The following RBFOX1 variants were observed in gnomAD, a reference collection of about 807,000 sequenced individuals.
RBFOX1 encodes RNA binding protein fox-1 homolog 1.
A neutral mutation model predicts 57.7 loss-of-function variants in RBFOX1; 8 were observed. That is an observed-to-expected ratio of 0.14 (90% CI 0.08 to 0.25). The LOEUF is 0.25. Ranked by LOEUF, RBFOX1 falls within the 10% of genes least tolerant of loss-of-function variation. The probability of loss-of-function intolerance (pLI) is 1.00; values close to 1 mark genes in which losing one functional copy is unlikely to be tolerated. For missense variants in RBFOX1, 611 were observed against 548.5 expected (o/e 1.11, Z -1.14); for synonymous variants, 326 against 222.4 (o/e 1.47, Z -4.15).
intron 2 of RBFOX1, among the ~76,000 whole-genome samples, chr16:6,648,556 C>T (rs532623077): frequency 1.3e-5 from 2 of 152,272 alleles, no homozygotes; most frequent in East Asian, 1.9e-4. Flanking sequence ...ACCCGCAGCC[C>T]TGTCCTCCCA....
At chr16:6,618,458 C>G (rs999194616) in intron 2 of RBFOX1, among the ~76,000 whole-genome samples, 2 of 152,170 alleles carry the variant, frequency 1.3e-5, no homozygotes, top group Admixed American at 6.5e-5. Flanking sequence ...GTCCTACATT[C>G]TGATAATAGT....
chr16:6,343,820 C>T (rs1431785698), intron 2 of RBFOX1, among the ~76,000 whole-genome samples: 1 of 152,034 alleles, frequency 6.6e-6, no homozygotes, highest in Non-Finnish European at 1.5e-5. Flanking sequence ...CATAATATTC[C>T]CTTTGGATTA....
intron 4 of RBFOX1, among the ~76,000 whole-genome samples, chr16:7,510,746 T>A (rs1386434872): frequency 6.6e-6 from 1 of 152,160 alleles, no homozygotes; most frequent in Non-Finnish European, 1.5e-5. Flanking sequence ...TAAAACAAAC[T>A]GTCAGCAAGA....
intron 4 of RBFOX1, among the ~76,000 whole-genome samples, chr16:7,063,367 A>T (rs2055081669): frequency 6.6e-6 from 1 of 152,116 alleles, no homozygotes. Flanking sequence ...ATATATCAGT[A>T]TCAGAGGAAC....
chr16:6,561,204 G>A lies in RBFOX1; in HGVS notation c.-63-93399G>A, dbSNP rs1052550137. On this transcript the variant is annotated intron_variant, in intron 2 of 15. Coordinates refer to ENST00000550418, the MANE Select transcript of RBFOX1 (RefSeq NM_018723.4). ...ATGCTTCACGCCCAAGCAAATGACT[G>A]GAAAGGTTCCCTGCTGTCTACTAGG... is the stretch of plus-strand genomic sequence containing the variant. 3.5e-4 allele frequency among the ~76,000 whole-genome samples: 54 copies of A among 152,158 alleles called. 1 individual carries two copies. Among genetic ancestry groups the A allele is most frequent in the Admixed American group, 3.1e-3 (47 of 15,282 alleles).
In RBFOX1 at chr16:6,043,241, G is replaced by A. The variant is rs188588794; in HGVS notation, c.-127+23249G>A. On this transcript the variant is annotated intron_variant, in intron 1 of 15. Coordinates refer to ENST00000550418, the MANE Select transcript of RBFOX1 (RefSeq NM_018723.4). ...TAGCAGGCTTCAGAGGGAATAGATG[G>A]TAGATGTCTTGTTTTCAGATCTTAA... 1.2e-3 allele frequency among the ~76,000 whole-genome samples: 177 copies of A among 150,454 alleles called. 1 individual carries two copies. Among genetic ancestry groups the A allele is most frequent in the Non-Finnish European group, 1.9e-3 (130 of 67,804 alleles).
At chr16:6,865,469 C>T (rs919431752) in intron 3 of RBFOX1, among the ~76,000 whole-genome samples, 1 of 152,112 alleles carries the variant, frequency 6.6e-6, no homozygotes, top group African/African-American at 2.4e-5. Flanking sequence ...GCCCCACACA[C>T]CCAGGCACCT....
At chr16:5,935,184 G>A (rs2059143287) in intron 4 of RBFOX1, among the ~76,000 whole-genome samples, 2 of 152,160 alleles carry the variant, frequency 1.3e-5, no homozygotes, top group South Asian at 4.1e-4. Context: ...CCACTACCCT[G>A]ACCAATCCCC....
At chr16:5,954,181 C>A (rs1214612897) in intron 4 of RBFOX1, among the ~76,000 whole-genome samples, 1 of 152,172 alleles carries the variant, frequency 6.6e-6, no homozygotes, top group Non-Finnish European at 1.5e-5. Flanking sequence ...TGTGGAACAT[C>A]TCAGTTTGAA....
chr16:7,684,071 G>C (rs568118652), intron 14 of RBFOX1, among the ~76,000 whole-genome samples: 3 of 152,184 alleles, frequency 2.0e-5, no homozygotes, highest in Non-Finnish European at 4.4e-5. Context: ...TTCATTTTAA[G>C]TTATCAAAGC....
intron 3 of RBFOX1, among the ~76,000 whole-genome samples, chr16:6,868,861 T>G (rs763587801): frequency 6.6e-6 from 1 of 152,182 alleles, no homozygotes; most frequent in Non-Finnish European, 1.5e-5. Context: ...TAATGAAATA[T>G]GCAGGGAGGT....
chr16:7,398,017 A>G (rs889934291), intron 4 of RBFOX1, among the ~76,000 whole-genome samples: 1 of 151,830 alleles, frequency 6.6e-6, no homozygotes, highest in African/African-American at 2.4e-5. Context: ...CCGTTAGTGG[A>G]TTAAGCGATA....
chr16:6,040,819 C>T lies in RBFOX1; in HGVS notation c.-127+20827C>T, dbSNP rs56076523. 7.4e-3 allele frequency among the ~76,000 whole-genome samples: 1,133 copies of T among 152,200 alleles called. 12 individuals are homozygous for T. Among genetic ancestry groups the T allele is most frequent in the African/African-American group, 0.025 (1,040 of 41,512 alleles). On this transcript the variant is annotated intron_variant, in intron 1 of 15. Coordinates refer to ENST00000550418, the MANE Select transcript of RBFOX1 (RefSeq NM_018723.4). ...TTATGTGGCAGTCTGGTCTCAAACT[C>T]CTGACCTCAATTGATCTGCGTGCCT...
intron 4 of RBFOX1, among the ~76,000 whole-genome samples, chr16:7,289,790 A>G (rs927148098): frequency 2.6e-5 from 4 of 152,198 alleles, no homozygotes; most frequent in African/African-American, 2.4e-5. Flanking sequence ...TGAGATAAAA[A>G]TATTAGTGCT....
chr16:5,266,231 G>C (rs900117337), intron 1 of RBFOX1, among the ~76,000 whole-genome samples: 1 of 152,176 alleles, frequency 6.6e-6, no homozygotes, highest in Non-Finnish European at 1.5e-5. Flanking sequence ...TTTCTCTGTT[G>C]TATGTGTGGG....
intron 4 of RBFOX1, among the ~76,000 whole-genome samples, chr16:7,259,830 T>C (rs1481658020): frequency 1.3e-5 from 2 of 152,214 alleles, no homozygotes; most frequent in African/African-American, 4.8e-5. Flanking sequence ...GATAATTTTA[T>C]GTGTGTGTAA....
chr16:5,576,721 C>T (rs1054842878), intron 2 of RBFOX1, among the ~76,000 whole-genome samples: 15 of 152,304 alleles, frequency 9.8e-5, no homozygotes, highest in Middle Eastern at 3.4e-3. Flanking sequence ...TCATCAAAGC[C>T]CATTTCTTAA....
chr16:6,139,546 T>C (rs1261003514), intron 1 of RBFOX1, among the ~76,000 whole-genome samples: 2 of 152,148 alleles, frequency 1.3e-5, no homozygotes, highest in African/African-American at 4.8e-5. Flanking sequence ...CCCACTGGTC[T>C]CAGGCTCTGC....
At chr16:7,488,999 C>A (rs771557912) in intron 4 of RBFOX1, among the ~76,000 whole-genome samples, 1 of 152,172 alleles carries the variant, frequency 6.6e-6, no homozygotes, top group African/African-American at 2.4e-5. Context: ...CTCTATTGCT[C>A]TGTCATTATA....
Sources: allele counts gnomAD v4.1 joint callset (sites outside exome capture counted in the v4.1 genomes callset), GRCh38; gene constraint gnomAD v4.1.1; transcripts MANE v1.5; gene names NCBI Gene and HGNC (gene_info 2026-07-23, HGNC 2026-07-21).